Variants in PPA2 observed in about 807,000 individuals in gnomAD.
PPA2 encodes inorganic pyrophosphatase 2, also known as inorganic pyrophosphatase 2, mitochondrial.
PPA2 carries 48 observed loss-of-function variants against 49.5 expected under a neutral mutation model. The ratio of observed to expected loss-of-function variants is 0.97; its 90% CI spans 0.77 to 1.23. The LOEUF (loss-of-function observed/expected upper bound fraction) is 1.23. Among genes scored for constraint, PPA2 ranks in the 50% most tolerant of loss-of-function variants. PPA2 has a pLI of 0.00. For synonymous variants in PPA2, 131 were observed against 139.9 expected (o/e 0.94, Z 0.45); for missense variants, 429 against 410.1 (o/e 1.05, Z -0.40).
intron 1 of PPA2, among the ~76,000 whole-genome samples, chr4:105,457,001 G>A (rs1722899507): frequency 6.6e-6 from 1 of 151,258 alleles, no homozygotes; most frequent in Non-Finnish European, 1.5e-5. Context: ...AATATCCAAA[G>A]CAGAAAATAT....
chr4:105,369,691 G>T lies in PPA2; in HGVS notation c.*34C>A. ...TCTAGCACTTGGAGTCCTTAGAGAT[G>T]GGAATCTTGACAGCAGAATTTCAGA... is the stretch of plus-strand genomic sequence containing the variant. On this transcript the variant is annotated 3_prime_UTR_variant, in exon 12 of 12. Coordinates refer to ENST00000341695, the MANE Select transcript of PPA2 (RefSeq NM_176869.3). The T allele has an allele frequency of 5.1e-6, 7 of 1,365,644 alleles. No individual in the cohort carries two copies. Among genetic ancestry groups the T allele is most frequent in the Non-Finnish European group, 4.0e-6 (4 of 998,694 alleles). 84.6% of individuals were successfully genotyped at this position (1,365,644 alleles called of 1,614,324 possible). A position where few individuals can be genotyped will look rare whatever the true frequency, so the allele number is the denominator to read the frequency against.
chr4:105,374,864 T>C (rs923090911), intron 10 of PPA2, among the ~76,000 whole-genome samples: 4 of 151,072 alleles, frequency 2.6e-5, no homozygotes, highest in Non-Finnish European at 5.9e-5. Context: ...TTTTCTTTTT[T>C]TTTTTTTTTT....
intron 7 of PPA2, among the ~76,000 whole-genome samples, chr4:105,418,904 G>C (rs1578840906): frequency 6.6e-6 from 1 of 152,106 alleles, no homozygotes; most frequent in East Asian, 1.9e-4. Flanking sequence ...ATAGAAGGTG[G>C]TTAATTTAAC....
chr4:105,443,298 AGT>A (rs1044680446), intron 5 of PPA2, among the ~76,000 whole-genome samples: 1 of 152,110 alleles, frequency 6.6e-6, no homozygotes, highest in African/African-American at 2.4e-5. Context: ...TTGAGACATC[AGT>A]GTGCTTTGAG....
At chr4:105,372,230 T>C (rs1375474329) in intron 10 of PPA2, among the ~76,000 whole-genome samples, 1 of 152,162 alleles carries the variant, frequency 6.6e-6, no homozygotes, top group Non-Finnish European at 1.5e-5. Context: ...TGTGGGGATG[T>C]GGTCTAGAAT....
At chr4:105,458,060 T>C (rs978815632) in intron 1 of PPA2, among the ~76,000 whole-genome samples, 2 of 151,674 alleles carry the variant, frequency 1.3e-5, no homozygotes, top group African/African-American at 4.9e-5. Context: ...TCTGAAAGAG[T>C]CCCCAAAGGC....
At chr4:105,370,903 G>T (rs1732996955) in intron 10 of PPA2, 30 bp from the exon 11 acceptor site, 1 of 1,446,462 alleles carries the variant, frequency 6.9e-7, no homozygotes, top group African/African-American at 1.5e-5. Context: ...AAGAATCTCT[G>T]TTACAATAAA....
intron 9 of PPA2, among the ~76,000 whole-genome samples, chr4:105,395,080 A>T (rs1257487334): frequency 1.3e-5 from 2 of 148,594 alleles, no homozygotes; most frequent in Non-Finnish European, 3.0e-5. Context: ...GATTATGCTT[A>T]AAAAAAAAAG....
chr4:105,384,413 AT>A (rs142281073), intron 10 of PPA2, among the ~76,000 whole-genome samples: 2 of 152,076 alleles, frequency 1.3e-5, no homozygotes, highest in Non-Finnish European at 1.5e-5. Context: ...TCCTCCAATT[AT>A]TTTTTTGTTT....
chr4:105,384,891 CAG>C (rs1211464975), intron 10 of PPA2, among the ~76,000 whole-genome samples: 7 of 152,324 alleles, frequency 4.6e-5, no homozygotes, highest in Admixed American at 2.0e-4. Context: ...ATAGCCTGCA[CAG>C]AGTCTTCCAT....
At chr4:105,435,719 C>T (rs916711202) in intron 6 of PPA2, among the ~76,000 whole-genome samples, 1 of 152,122 alleles carries the variant, frequency 6.6e-6, no homozygotes, top group African/African-American at 2.4e-5. Flanking sequence ...ATGATCATCT[C>T]AATAGATACA....
chr4:105,437,983 A>T lies in PPA2; in HGVS notation c.495T>A (p.Asn165Lys). The stretch of plus-strand genomic sequence containing the variant: ...CTATTTCGCAAACATCAATAGGATC[A>T]TTATCTCCAAAGCAGTTCGTGCTCT... ...KDKSTNCFGD[N>K]DPIDVCEIGS... Residue 165 changes from asparagine to lysine, a missense_variant, in exon 6 of 12, where the codon AAT becomes AAA. Coordinates refer to ENST00000341695, the MANE Select transcript of PPA2 (RefSeq NM_176869.3). The T allele has an allele frequency of 6.2e-7, 1 of 1,609,970 alleles. No individual in the cohort carries two copies. Among genetic ancestry groups the T allele is most frequent in the South Asian group, 1.1e-5 (1 of 89,832 alleles).
chr4:105,424,114 C>T, intron 7 of PPA2, 82 bp downstream of exon 7: 1 of 1,396,812 alleles, frequency 7.2e-7, no homozygotes, highest in Non-Finnish European at 9.8e-7. Flanking sequence ...CATTTAACTC[C>T]CCTATGTGAA....
rs753019531 is a variant in PPA2, at chr4:105,399,192, T to C, written c.656-28A>G. On this transcript the variant is annotated intron_variant, in intron 7 of 11. Transcript: ENST00000341695. ...GTAAAGAAAAAAACAAAAAGATGTTTTGTTAAGAACCAAAATTAATTCCCT... is the reference window on the plus strand; with the variant it reads ...GTAAAGAAAAAAACAAAAAGATGTTCTGTTAAGAACCAAAATTAATTCCCT... The C allele has an allele frequency of 3.2e-6, 5 of 1,576,792 alleles. No homozygotes were observed. The East Asian group carries it at 6.7e-5, about 21-fold the overall frequency.
chr4:105,448,110 C>CA (rs1426741654), intron 4 of PPA2: 13 of 392,844 alleles, frequency 3.3e-5, no homozygotes, highest in East Asian at 1.9e-4. Context: ...ATATAGGAAA[C>CA]AAAAAAATAA....
At chr4:105,436,070 C>T (rs1724038555) in intron 6 of PPA2, among the ~76,000 whole-genome samples, 1 of 152,094 alleles carries the variant, frequency 6.6e-6, no homozygotes, top group Admixed American at 6.6e-5. Context: ...AAAGGCTCCT[C>T]CAAAAGACTC....
At chr4:105,382,297 A>G (rs1733520894) in intron 10 of PPA2, among the ~76,000 whole-genome samples, 1 of 152,166 alleles carries the variant, frequency 6.6e-6, no homozygotes, top group African/African-American at 2.4e-5. Flanking sequence ...GTGGCCTAAT[A>G]TCTACTCAAT....
chr4:105,422,897 GCA>G (rs1560623840), intron 7 of PPA2, among the ~76,000 whole-genome samples: 1 of 152,142 alleles, frequency 6.6e-6, no homozygotes, highest in Non-Finnish European at 1.5e-5. Context: ...GCATCCCTTA[GCA>G]CAGTTTCATG....
chr4:105,415,609 G>A (rs1451792628), intron 7 of PPA2, among the ~76,000 whole-genome samples: 1 of 152,118 alleles, frequency 6.6e-6, no homozygotes, highest in Non-Finnish European at 1.5e-5. Flanking sequence ...CTGTGGCTGT[G>A]TGGCTGCAGC....
Sources: allele counts gnomAD v4.1 joint callset (sites outside exome capture counted in the v4.1 genomes callset), GRCh38; gene constraint gnomAD v4.1.1; transcripts MANE v1.5; gene names NCBI Gene and HGNC (gene_info 2026-07-23, HGNC 2026-07-21).